Variants in SPEN observed in about 807,000 individuals in gnomAD.
SPEN encodes the protein spen family transcriptional repressor, also known as msx2-interacting protein.
SPEN carries 18 observed loss-of-function variants against 269.9 expected under a neutral mutation model. That is an observed-to-expected ratio of 0.07 (90% CI 0.05 to 0.10). SPEN has a LOEUF of 0.10. Ranked by LOEUF, SPEN falls within the 10% of genes least tolerant of loss-of-function variation. The pLI is 1.00. For synonymous variants in SPEN, 1,726 were observed against 1,765.7 expected (o/e 0.98, Z 0.56); for missense variants, 3,822 against 4,631.2 (o/e 0.83, Z 5.07).
chr1:15,848,232 C>A lies in SPEN; in HGVS notation c.83+82C>A. ...GGCCCGTTGCCGGCCCCTCCCGGAGCGCGGAGCTGGTGAGGAGGACTCCGG... is the reference window on the plus strand; with the variant it reads ...GGCCCGTTGCCGGCCCCTCCCGGAGAGCGGAGCTGGTGAGGAGGACTCCGG... On this transcript the variant is annotated intron_variant, in intron 1 of 14. Transcript: ENST00000375759. The surrounding 1 kb of genome is among the most constrained non-coding windows in gnomAD (Gnocchi z 5.1). 9.4e-7 allele frequency: 1 copy of A among 1,060,450 alleles called. No individual in the cohort carries two copies. The highest frequency in any genetic ancestry group is 1.3e-6 in the Non-Finnish European group (1 of 768,130). The allele number at this position is 1,060,450 out of a possible 1,614,324, so 65.7% of individuals were successfully genotyped here. A position where few individuals can be genotyped will look rare whatever the true frequency, so the allele number is the denominator to read the frequency against.
chr1:15,895,964 G>A (rs573765962), intron 3 of SPEN, among the ~76,000 whole-genome samples: 11 of 151,306 alleles, frequency 7.3e-5, no homozygotes, highest in South Asian at 2.1e-4. Context: ...GATTACAGGC[G>A]TGAGCCACCA....
rs887087407 is a variant in SPEN at position 15,930,731 on chromosome 1, G to A, written c.4491G>A (p.Lys1497=). 4 of 1,613,588 alleles carry A rather than the reference G, an allele frequency of 2.5e-6. No homozygotes were observed. The highest frequency in any genetic ancestry group is 3.3e-4 in the Middle Eastern group (2 of 6,084). ...CTATTCCATCCTGGTACATGAAAAAGAAGAAAATTAGGACTGATTCAGAAG... is the reference window on the plus strand; with the variant it reads ...CTATTCCATCCTGGTACATGAAAAAAAAGAAAATTAGGACTGATTCAGAAG... ...PRPIPSWYMK[K]KKIRTDSEGK... is the part of the protein sequence containing the mutation. The change falls in exon 11 of 15, where the codon AAG becomes AAA. Residue 1497 remains lysine, a synonymous_variant. Coordinates refer to ENST00000375759, the MANE Select transcript of SPEN (RefSeq NM_015001.3). This position sits in a 1 kb window ranked among gnomAD's most constrained non-coding sequence, Gnocchi z 5.3.
At chr1:15,851,713 G>A (rs1382354401) in intron 1 of SPEN, among the ~76,000 whole-genome samples, 2 of 152,138 alleles carry the variant, frequency 1.3e-5, no homozygotes, top group African/African-American at 4.8e-5. Flanking sequence ...GGCTGGGTGC[G>A]GTGGCTCACG....
intron 3 of SPEN, among the ~76,000 whole-genome samples, chr1:15,878,516 C>G (rs2070654872): frequency 1.3e-5 from 2 of 152,204 alleles, no homozygotes; most frequent in African/African-American, 2.4e-5. Flanking sequence ...CTCTTAACTT[C>G]TTTTGATTTT....
chr1:15,877,399 G>A (rs1416886419), intron 3 of SPEN, among the ~76,000 whole-genome samples: 1 of 152,094 alleles, frequency 6.6e-6, no homozygotes, highest in African/African-American at 2.4e-5. Context: ...CTCCCAAGTA[G>A]CTGGGATTAC....
chr1:15,919,046 C>G lies in SPEN; in HGVS notation c.1516C>G (p.Leu506Val). ...MDGEYLGNNR[L>V]KLGFGKSMPT... ...TGGGGAATATCTTGGAAATAATCGC[C>G]TCAAGGTAAATGAATTTGCATAAAT... Residue 506 changes from leucine (L) to valine (V), a missense_variant, in exon 7 of 15, where the codon CTC (leucine) becomes GTC (valine). By Grantham distance (32) the Leu-to-Val change is conservative. Coordinates refer to ENST00000375759, the MANE Select transcript of SPEN (RefSeq NM_015001.3). The G allele has an allele frequency of 6.2e-7, 1 of 1,608,072 alleles. No homozygotes were observed. Among genetic ancestry groups the G allele is most frequent in the Non-Finnish European group, 8.5e-7 (1 of 1,178,248 alleles).
At chr1:15,856,166 A>G (rs953256231) in intron 1 of SPEN, among the ~76,000 whole-genome samples, 1 of 150,942 alleles carries the variant, frequency 6.6e-6, no homozygotes, top group East Asian at 2.0e-4. Flanking sequence ...ATTTTTTTGT[A>G]TTTTTAGTAG....
chr1:15,879,514 A>G lies in SPEN; in HGVS notation c.881+2836A>G, dbSNP rs150868920. ...GATAACTGCTAGAAGGGTAGGATGC[A>G]CTTAGAAAATCTGCCTGGGGAGTAA... On this transcript the variant is annotated intron_variant, in intron 3 of 14. Transcript: ENST00000375759. Among the ~76,000 whole-genome samples the G allele has an allele frequency of 1.4e-3, 217 of 152,276 alleles. 2 individuals are homozygous for G. The highest frequency in any genetic ancestry group is 3.4e-3 in the Middle Eastern group (1 of 294).
At chr1:15,910,804 G>A (rs888522860) in intron 4 of SPEN, among the ~76,000 whole-genome samples, 1 of 151,920 alleles carries the variant, frequency 6.6e-6, no homozygotes, top group South Asian at 2.1e-4. Context: ...TTTCAGAATT[G>A]TACAATAATC....
intron 3 of SPEN, among the ~76,000 whole-genome samples, chr1:15,901,096 G>C (rs2070894581): frequency 6.6e-6 from 1 of 151,708 alleles, no homozygotes; most frequent in African/African-American, 2.4e-5. Context: ...TATGCATGTA[G>C]TTCCAGCTTC....
intron 4 of SPEN, among the ~76,000 whole-genome samples, chr1:15,909,731 A>T (rs2070993684): frequency 6.6e-6 from 1 of 152,194 alleles, no homozygotes; most frequent in Admixed American, 6.6e-5. Context: ...GGTCATGTTG[A>T]GCATGTAAAC....
At position 15,937,230 on chromosome 1, in the gene SPEN, C is replaced by G; in HGVS notation, c.10094C>G (p.Pro3365Arg). 6.2e-7 allele frequency: 1 copy of G among 1,613,842 alleles called. No homozygotes were observed. Among genetic ancestry groups the G allele is most frequent in the Non-Finnish European group, 8.5e-7 (1 of 1,179,996 alleles). Reference protein sequence around the residue: ...QPVQSTQPAQPAPPCPPSQLG... With the variant: ...QPVQSTQPAQRAPPCPPSQLG... Reference sequence around the variant, plus strand: ...GTGCAGTCCACACAGCCTGCCCAGCCTGCACCACCCTGCCCGCCCTCCCAG... The same window carrying G: ...GTGCAGTCCACACAGCCTGCCCAGCGTGCACCACCCTGCCCGCCCTCCCAG... Residue 3365 changes from proline (P) to arginine (R), a missense_variant, in exon 12 of 15, where the codon CCT becomes CGT. By Grantham distance (103) the Pro-to-Arg change is moderately radical (BLOSUM62 -2). Coordinates refer to ENST00000375759, the MANE Select transcript of SPEN (RefSeq NM_015001.3). This position sits in a 1 kb window ranked among gnomAD's most constrained non-coding sequence, Gnocchi z 5.7.
Position 15,928,244 on chromosome 1 carries a change from C to T in SPEN, c.2004C>T (p.Tyr668=). Residue 668 remains tyrosine, a synonymous_variant, in exon 11 of 15, where the codon TAC becomes TAT. Coordinates refer to ENST00000375759, the MANE Select transcript of SPEN (RefSeq NM_015001.3). This position sits in a 1 kb window ranked among gnomAD's most constrained non-coding sequence, Gnocchi z 5.7. ...AATGGGAAACTTACCAAGGAGACTA[C>T]TATGAATCACGATACTACGATGATC... The part of the protein sequence containing the change: ...YSEWETYQGD[Y]YESRYYDDPR... The T allele has an allele frequency of 1.9e-6, 3 of 1,614,066 alleles. No individual in the cohort carries two copies. Among genetic ancestry groups the T allele is most frequent in the East Asian group, 2.2e-5 (1 of 44,876 alleles).
At position 15,876,560 on chromosome 1, in the gene SPEN, C is replaced by T. The variant is rs775484846; in HGVS notation, c.763C>T (p.Pro255Ser). ...PHSSQSRNQSPQRLASQASRP... is the reference protein window; with the variant it reads ...PHSSQSRNQSSQRLASQASRP... Reference sequence around the variant, plus strand: ...TTCATCCCAGTCTAGAAATCAGTCTCCTCAGAGACTGGCTAGCCAAGCATC... The same window carrying T: ...TTCATCCCAGTCTAGAAATCAGTCTTCTCAGAGACTGGCTAGCCAAGCATC... Residue 255 changes from proline (P) to serine (S), a missense_variant, in exon 3 of 15, where the codon CCT (proline) becomes TCT (serine). Pro to Ser is a moderately conservative substitution (Grantham distance 74). Coordinates refer to ENST00000375759, the MANE Select transcript of SPEN (RefSeq NM_015001.3). 1.1e-5 allele frequency: 17 copies of T among 1,614,118 alleles called. No individual in the cohort carries two copies. Among genetic ancestry groups the T allele is most frequent in the Non-Finnish European group, 1.2e-5 (14 of 1,180,024 alleles).
In SPEN at chr1:15,939,979, C is replaced by G. The variant is rs1297863067; in HGVS notation, c.*552C>G. The G allele has an allele frequency of 2.2e-5, 5 of 232,082 alleles. No individual in the cohort carries two copies. The highest frequency in any genetic ancestry group is 8.9e-5 in the African/African-American group (4 of 45,110). 14.4% of individuals were successfully genotyped at this position (232,082 alleles called of 1,614,324 possible). A position where few individuals can be genotyped will look rare whatever the true frequency, so the allele number is the denominator to read the frequency against. ...TCCCTTGCTCATTTGGATGCGTCACCTTAATTCTCCTGCTGCCACCGTCTT... is the reference window on the plus strand; with the variant it reads ...TCCCTTGCTCATTTGGATGCGTCACGTTAATTCTCCTGCTGCCACCGTCTT... On this transcript the variant is annotated 3_prime_UTR_variant, in exon 15 of 15. Coordinates refer to ENST00000375759, the MANE Select transcript of SPEN (RefSeq NM_015001.3). The surrounding 1 kb of genome is among the most constrained non-coding windows in gnomAD (Gnocchi z 4.1).
chr1:15,934,753 C>T lies in SPEN; in HGVS notation c.8513C>T (p.Pro2838Leu). 1 of 1,614,184 alleles carries T rather than the reference C, an allele frequency of 6.2e-7. No individual in the cohort carries two copies. The highest frequency in any genetic ancestry group is 8.5e-7 in the Non-Finnish European group (1 of 1,180,032). ...ATCAGCGCCAAGATCAGCCAGATCC[C>T]CCCGGCCAGTGCAATGGACATTGAA... ...QRISAKISQI[P>L]PASAMDIEFQ... The change falls in exon 11 of 15, where the codon CCC becomes CTC. Residue 2838 changes from proline to leucine, a missense_variant. Transcript: ENST00000375759. This position sits in a 1 kb window ranked among gnomAD's most constrained non-coding sequence, Gnocchi z 9.2.
chr1:15,923,472 T>A (rs2071137431), intron 10 of SPEN, among the ~76,000 whole-genome samples: 1 of 152,054 alleles, frequency 6.6e-6, no homozygotes, highest in African/African-American at 2.4e-5. Context: ...AAAAACGCCT[T>A]TAGACACTTG....
At position 15,934,009 on chromosome 1, in the gene SPEN, T is replaced by G. The variant is rs762537540; in HGVS notation, c.7769T>G (p.Val2590Gly). 2 of 1,613,902 alleles carry G rather than the reference T, an allele frequency of 1.2e-6. No individual in the cohort carries two copies. Among genetic ancestry groups the G allele is most frequent in the Non-Finnish European group, 1.7e-6 (2 of 1,179,898 alleles). Reference sequence around the variant, plus strand: ...TTAGAAGAAAAAACAGCACCTCCAGTGACAAACAACTCTGAGATACAAGCC... The same window carrying G: ...TTAGAAGAAAAAACAGCACCTCCAGGGACAAACAACTCTGAGATACAAGCC... ...KPLEEKTAPP[V>G]TNNSEIQASE... The change falls in exon 11 of 15, where the codon GTG becomes GGG. Residue 2590 changes from valine (V) to glycine (G), a missense_variant. Physicochemically the swap from Val to Gly is moderately radical, Grantham distance 109 (BLOSUM62 -3). Transcript: ENST00000375759. The surrounding 1 kb of genome is among the most constrained non-coding windows in gnomAD (Gnocchi z 9.2).
intron 1 of SPEN, among the ~76,000 whole-genome samples, chr1:15,868,325 T>C (rs984136037): frequency 4.0e-5 from 6 of 151,610 alleles, no homozygotes; most frequent in African/African-American, 1.5e-4. Context: ...GAAAATTGGA[T>C]TGTGCTTTTC....
Sources: gnomAD v4.1 joint callset for allele counts (sites outside exome capture counted in the v4.1 genomes callset) on GRCh38, gnomAD v4.1.1 for gene constraint, Gnocchi (gnomAD v3.1) non-coding constraint, MANE v1.5 for transcripts, NCBI Gene and HGNC (gene_info 2026-07-23, HGNC 2026-07-21) for gene names.